The following ZNF276 variants were observed in gnomAD, a reference collection of about 807,000 sequenced individuals.
ZNF276 encodes the protein centromere protein Z.
Under a neutral mutation model 63.9 loss-of-function variants are expected in ZNF276, and 59 were observed. That is an observed-to-expected ratio of 0.92 (90% CI 0.75 to 1.15). The LOEUF (loss-of-function observed/expected upper bound fraction) is 1.15, where lower values mean the gene tolerates loss of function less well. Among genes scored for constraint, ZNF276 ranks in the 50% most tolerant of loss-of-function variants. The pLI, the probability that ZNF276 is intolerant of heterozygous loss-of-function variation, is 0.00. For synonymous variants in ZNF276, 496 were observed against 348.4 expected (o/e 1.42, Z -4.72); for missense variants, 1,084 against 843.8 (o/e 1.28, Z -3.53).
intron 1 of ZNF276, among the ~76,000 whole-genome samples, chr16:89,722,200 A>T (rs1343638574): frequency 6.6e-6 from 1 of 152,158 alleles, no homozygotes; most frequent in African/African-American, 2.4e-5. Context: ...CAATTGGCAG[A>T]CAGGAAACCG....
chr16:89,727,171 G>C, intron 4 of ZNF276, 108 bp from the exon 5 acceptor site: 1 of 1,177,554 alleles, frequency 8.5e-7, no homozygotes, highest in Non-Finnish European at 1.3e-6. Flanking sequence ...TGAGGGTCAG[G>C]GACCCCAGTC....
intron 6 of ZNF276, chr16:89,732,733 C>A: frequency 5.2e-6 from 1 of 192,750 alleles, no homozygotes; most frequent in Non-Finnish European, 1.1e-5. Flanking sequence ...GCCGTTTGCC[C>A]CTGACCCTGC....
intron 6 of ZNF276, among the ~76,000 whole-genome samples, chr16:89,730,959 C>G (rs1165152958): frequency 1.6e-4 from 24 of 152,218 alleles, no homozygotes; most frequent in Non-Finnish European, 4.4e-5. Context: ...GCCTGCACCC[C>G]CATGGGGAAA....
At chr16:89,727,223 G>T in intron 4 of ZNF276, 56 bp from the exon 5 acceptor site, 1 of 1,557,946 alleles carries the variant, frequency 6.4e-7, no homozygotes, top group Non-Finnish European at 8.9e-7. Flanking sequence ...CTCCTTGCAG[G>T]TGAGACCTTT....
Position 89,740,782 on chromosome 16 carries a change from T to C in ZNF276, c.*2536T>C, listed in dbSNP as rs1598057660. 6.2e-7 allele frequency: 1 copy of C among 1,611,226 alleles called. No homozygotes were observed. Among genetic ancestry groups the C allele is most frequent in the Non-Finnish European group, 8.5e-7 (1 of 1,178,016 alleles). On this transcript the variant is annotated 3_prime_UTR_variant, in exon 11 of 11. Coordinates refer to ENST00000443381, the MANE Select transcript of ZNF276 (RefSeq NM_001113525.2). Reference sequence around the variant, plus strand: ...TGGCCCACAGTGGGAGAGGACACCTTGGCTGGTAAGGTCTGACTTACATTT... The same window carrying C: ...TGGCCCACAGTGGGAGAGGACACCTCGGCTGGTAAGGTCTGACTTACATTT...
In ZNF276 at chr16:89,740,652, A is replaced by AAAAAC. The variant is rs1162185458; in HGVS notation, c.*2408_*2409insAACAA. 1 of 657,264 alleles carries AAAAAC rather than the reference A, an allele frequency of 1.5e-6. No homozygotes were observed. The highest frequency in any genetic ancestry group is 2.8e-5 in the East Asian group (1 of 35,698). 40.7% of individuals were successfully genotyped at this position (657,264 alleles called of 1,614,324 possible). A position where few individuals can be genotyped will look rare whatever the true frequency, so the allele number is the denominator to read the frequency against. ...CCCCCATCTCAAAAAAAAAAAAAAA[A>AAAAAC]AACCCACGGCCTGGGAGTTCTCACT... On this transcript the variant is annotated 3_prime_UTR_variant, in exon 11 of 11. Coordinates refer to ENST00000443381, the MANE Select transcript of ZNF276 (RefSeq NM_001113525.2).
chr16:89,724,848 A>G (rs2061421447), intron 4 of ZNF276, among the ~76,000 whole-genome samples: 2 of 151,918 alleles, frequency 1.3e-5, no homozygotes. Flanking sequence ...CTATCTTCCT[A>G]CTTCTTTGTC....
At chr16:89,736,615 G>A (rs752758984) in intron 9 of ZNF276, among the ~76,000 whole-genome samples, 1 of 151,900 alleles carries the variant, frequency 6.6e-6, no homozygotes, top group South Asian at 2.1e-4. Flanking sequence ...CTTTGTGTAA[G>A]CCACTGCACC....
intron 5 of ZNF276, among the ~76,000 whole-genome samples, chr16:89,728,438 G>A (rs62068389): frequency 6.6e-6 from 1 of 150,574 alleles, no homozygotes; most frequent in South Asian, 2.1e-4. Flanking sequence ...GAGTCTCGCT[G>A]TGTTGCCCAG....
chr16:89,734,020 G>A lies in ZNF276; in HGVS notation c.1456G>A (p.Val486Met), dbSNP rs144982544. The A allele has an allele frequency of 9.0e-5, 146 of 1,614,034 alleles. No individual in the cohort carries two copies. The African/African-American group carries it at 1.5e-3, about 17-fold the overall frequency. The change falls in exon 9 of 11, where the codon GTG becomes ATG. Residue 486 changes from valine to methionine, a missense_variant. Coordinates refer to ENST00000443381, the MANE Select transcript of ZNF276 (RefSeq NM_001113525.2). ...GATCGACCGCTACCTGCAGCGCCAC[G>A]TGAAGCTCATCCACACAGGTACGCC... ...FMIDRYLQRH[V>M]KLIHTEVRNY...
Position 89,740,689 on chromosome 16 carries a change from A to T in ZNF276, c.*2443A>T. 1 of 822,916 alleles carries T rather than the reference A, an allele frequency of 1.2e-6. No homozygotes were observed. Among genetic ancestry groups the T allele is most frequent in the Non-Finnish European group, 2.0e-6 (1 of 493,044 alleles). 51.0% of individuals were successfully genotyped at this position (822,916 alleles called of 1,614,324 possible). A position where few individuals can be genotyped will look rare whatever the true frequency, so the allele number is the denominator to read the frequency against. On this transcript the variant is annotated 3_prime_UTR_variant, in exon 11 of 11. Transcript: ENST00000443381. Reference sequence around the variant, plus strand: ...TGGGAGTTCTCACTCACACTTCCGCAAACACAAGGAGCTCCTGAGCTAGTC... The same window carrying T: ...TGGGAGTTCTCACTCACACTTCCGCTAACACAAGGAGCTCCTGAGCTAGTC...
At chr16:89,723,836 A>G (rs2061384811) in intron 4 of ZNF276, 127 bp downstream of exon 4, 4 of 1,064,220 alleles carry the variant, frequency 3.8e-6, no homozygotes, top group Non-Finnish European at 5.3e-6. Flanking sequence ...GAAGGAGCAG[A>G]GCTTGGGGCT....
At chr16:89,729,757 T>A (rs1157692637) in intron 6 of ZNF276, among the ~76,000 whole-genome samples, 2 of 152,180 alleles carry the variant, frequency 1.3e-5, no homozygotes, top group African/African-American at 4.8e-5. Flanking sequence ...ATCCTCCCAG[T>A]TCTGACCCCA....
At chr16:89,733,444 T>G (rs2061741674) in intron 7 of ZNF276, 32 bp downstream of exon 7, 2 of 1,613,968 alleles carry the variant, frequency 1.2e-6, no homozygotes, top group African/African-American at 2.7e-5. Flanking sequence ...TCGCCCTGCC[T>G]GTCGGGGCCG....
In ZNF276 at chr16:89,740,774, G is replaced by C. The variant is rs1162986300; in HGVS notation, c.*2528G>C. ...CCCCTGCCTGGCCCACAGTGGGAGA[G>C]GACACCTTGGCTGGTAAGGTCTGAC... On this transcript the variant is annotated 3_prime_UTR_variant, in exon 11 of 11. Transcript: ENST00000443381. The C allele has an allele frequency of 6.2e-7, 1 of 1,605,642 alleles. No individual in the cohort carries two copies. The highest frequency in any genetic ancestry group is 1.3e-5 in the African/African-American group (1 of 74,702).
chr16:89,723,148 A>T lies in ZNF276; in HGVS notation c.521A>T (p.Gln174Leu), dbSNP rs1365067287. The change falls in exon 3 of 11, where the codon CAG becomes CTG. Residue 174 changes from glutamine (Q) to leucine (L), a missense_variant. Physicochemically the swap from Gln to Leu is moderately radical, Grantham distance 113. Coordinates refer to ENST00000443381, the MANE Select transcript of ZNF276 (RefSeq NM_001113525.2). ...CTGATCCTTTGCAGGGTCGGTGCCC[A>T]GCCCCCAACAGGGGCAGAGGAGGGA... ...RRKPCAKVGA[Q>L]PPTGAEEGAC... 2 of 1,613,094 alleles carry T rather than the reference A, an allele frequency of 1.2e-6. No homozygotes were observed. The highest frequency in any genetic ancestry group is 1.7e-6 in the Non-Finnish European group (2 of 1,180,040).
In ZNF276 at chr16:89,739,415, G is replaced by A. The variant is rs372257628; in HGVS notation, c.*1169G>A. On this transcript the variant is annotated 3_prime_UTR_variant, in exon 11 of 11. Coordinates refer to ENST00000443381, the MANE Select transcript of ZNF276 (RefSeq NM_001113525.2). ...CCCTTCCCATCTGGCGGGACCCAGA[G>A]GTGCTGAGATGGGGGTCTGGGAAAC... 3 of 1,555,970 alleles carry A rather than the reference G, an allele frequency of 1.9e-6. No individual in the cohort carries two copies. The highest frequency in any genetic ancestry group is 1.7e-6 in the Non-Finnish European group (2 of 1,146,840).
chr16:89,723,443 G>A lies in ZNF276; in HGVS notation c.740G>A (p.Ser247Asn), dbSNP rs770915699. ...GACTACACCATGGATACCAGCTCCA[G>A]CTGCAAGGCCTTCTTGCTGGACAGT... Reference protein sequence around the residue: ...GHDYTMDTSSSCKAFLLDSAL... With the variant: ...GHDYTMDTSSNCKAFLLDSAL... Residue 247 changes from serine (S) to asparagine (N), a missense_variant, in exon 4 of 11, where the codon AGC becomes AAC. By Grantham distance (46) the Ser-to-Asn change is conservative. Transcript: ENST00000443381. 5 of 1,612,972 alleles carry A rather than the reference G, an allele frequency of 3.1e-6. No homozygotes were observed. In the Admixed American group the frequency reaches 5.0e-5, roughly 16 times the overall value.
intron 4 of ZNF276, among the ~76,000 whole-genome samples, chr16:89,723,998 G>C (rs1210750539): frequency 6.6e-6 from 1 of 152,250 alleles, no homozygotes; most frequent in Non-Finnish European, 1.5e-5. Context: ...CCTGTGCTTG[G>C]GGCTGAGGGG....
Sources: allele counts gnomAD v4.1 joint callset (sites outside exome capture counted in the v4.1 genomes callset), GRCh38; gene constraint gnomAD v4.1.1; transcripts MANE v1.5; gene names NCBI Gene and HGNC (gene_info 2026-07-23, HGNC 2026-07-21).